Variants in CNTNAP2 observed in about 807,000 individuals in gnomAD.
CNTNAP2 encodes the protein contactin-associated protein-like 2.
Under a neutral mutation model 155.2 loss-of-function variants are expected in CNTNAP2, and 98 were observed. The observed-to-expected ratio is 0.63, with a 90% CI of 0.54 to 0.75. The LOEUF (loss-of-function observed/expected upper bound fraction) is 0.75, where lower values mean the gene tolerates loss of function less well. Ranked by LOEUF, CNTNAP2 falls within the 30% of genes least tolerant of loss-of-function variation. The pLI is 0.00. For missense variants in CNTNAP2, 1,727 were observed against 1,688.1 expected (o/e 1.02, Z -0.40); for synonymous variants, 651 against 631.2 (o/e 1.03, Z -0.47).
At chr7:147,090,494 C>G (rs1348595099) in intron 4 of CNTNAP2, among the ~76,000 whole-genome samples, 4 of 152,036 alleles carry the variant, frequency 2.6e-5, no homozygotes, top group Non-Finnish European at 5.9e-5. Flanking sequence ...TACATTTATT[C>G]TTACTGGTCC....
At chr7:147,865,154 C>T (rs1298171668) in intron 13 of CNTNAP2, among the ~76,000 whole-genome samples, 2 of 152,222 alleles carry the variant, frequency 1.3e-5, no homozygotes, top group South Asian at 4.1e-4. Context: ...TGAATTTTGT[C>T]AAAGGCCTTT....
At chr7:147,408,203 G>GA (rs570642845) in intron 10 of CNTNAP2, among the ~76,000 whole-genome samples, 15 of 152,100 alleles carry the variant, frequency 9.9e-5, no homozygotes, top group African/African-American at 2.7e-4. Flanking sequence ...GGAATTGTTG[G>GA]AAAAAAACAC....
chr7:148,029,456 T>G (rs916655084), intron 15 of CNTNAP2, among the ~76,000 whole-genome samples: 8 of 152,196 alleles, frequency 5.3e-5, no homozygotes, highest in African/African-American at 1.7e-4. Flanking sequence ...TCTGGGACAC[T>G]CTAGAGAAAT....
At chr7:147,014,617 C>T (rs902479349) in intron 3 of CNTNAP2, among the ~76,000 whole-genome samples, 2 of 152,152 alleles carry the variant, frequency 1.3e-5, no homozygotes, top group East Asian at 1.9e-4. Flanking sequence ...AATCCGAAAG[C>T]CTGCTTTGCT....
At chr7:148,375,670 A>G (rs765444027) in intron 21 of CNTNAP2, among the ~76,000 whole-genome samples, 3 of 151,662 alleles carry the variant, frequency 2.0e-5, no homozygotes, top group Non-Finnish European at 2.9e-5. Context: ...TTACAACTAT[A>G]TTCTAAGATT....
rs1795383050 is a variant in CNTNAP2 at position 148,202,420 on chromosome 7, TCATTTG to T, written c.3011-14867_3011-14862del. Among the ~76,000 whole-genome samples the T allele has an allele frequency of 3.3e-5, 5 of 152,250 alleles. 1 individual carries two copies. Among genetic ancestry groups the T allele is most frequent in the African/African-American group, 7.2e-5 (3 of 41,546 alleles). On this transcript the variant is annotated intron_variant, in intron 18 of 23. Coordinates refer to ENST00000361727, the MANE Select transcript of CNTNAP2 (RefSeq NM_014141.6). ...TCACACACACGCATTTTCCAGAAAC[TCATTTG>T]AGGTTGATTTTATGTGTACGGAGAC...
intron 1 of CNTNAP2, among the ~76,000 whole-genome samples, chr7:146,426,915 T>C (rs1724509): frequency 0.036 from 5,396 of 151,726 alleles, 339 homozygotes; most frequent in African/African-American, 0.12. Context: ...TGTTAAAAAG[T>C]TTGAGTTAGC....
At chr7:148,011,099 T>C (rs1802073436) in intron 15 of CNTNAP2, among the ~76,000 whole-genome samples, 1 of 152,144 alleles carries the variant, frequency 6.6e-6, no homozygotes, top group Non-Finnish European at 1.5e-5. Flanking sequence ...TACATATAAT[T>C]CATCCATTTA....
At position 147,202,797 on chromosome 7, in the gene CNTNAP2, G is replaced by C. The variant is rs541409710; in HGVS notation, c.1348+70288G>C. On this transcript the variant is annotated intron_variant, in intron 8 of 23. Transcript: ENST00000361727. The stretch of plus-strand genomic sequence containing the variant: ...GAACATAACACACCAGGGCCTGTAG[G>C]GGGGTAGGGGGCTGGGGTAGTGATA... Among the ~76,000 whole-genome samples, 5 of 151,966 alleles carry C rather than the reference G, an allele frequency of 3.3e-5. No homozygotes were observed. In the East Asian group the frequency reaches 7.8e-4, roughly 24 times the overall value.
At chr7:147,198,526 C>T (rs1802855049) in intron 8 of CNTNAP2, among the ~76,000 whole-genome samples, 1 of 152,204 alleles carries the variant, frequency 6.6e-6, no homozygotes, top group South Asian at 2.1e-4. Context: ...GCCACCGCGC[C>T]AGGCTGGTTT....
At chr7:146,927,565 A>T (rs1288639104) in intron 3 of CNTNAP2, among the ~76,000 whole-genome samples, 2 of 152,192 alleles carry the variant, frequency 1.3e-5, no homozygotes, top group African/African-American at 4.8e-5. Context: ...GATATACAAT[A>T]TACAATTTGT....
At chr7:147,200,608 T>C (rs535646856) in intron 8 of CNTNAP2, among the ~76,000 whole-genome samples, 2 of 152,152 alleles carry the variant, frequency 1.3e-5, no homozygotes, top group Non-Finnish European at 2.9e-5. Flanking sequence ...ACGCCACCAT[T>C]TCTACCTTCC....
intron 10 of CNTNAP2, among the ~76,000 whole-genome samples, chr7:147,485,044 G>A (rs1029217881): frequency 5.3e-4 from 81 of 152,280 alleles, no homozygotes; most frequent in African/African-American, 1.8e-3. Context: ...GGAACCAGGA[G>A]AAAGGGTTTG....
chr7:146,404,712 C>T (rs1795766412), intron 1 of CNTNAP2, among the ~76,000 whole-genome samples: 1 of 152,060 alleles, frequency 6.6e-6, no homozygotes, highest in Non-Finnish European at 1.5e-5. Flanking sequence ...TTCCTTGCCC[C>T]TCCCTTCTCC....
intron 13 of CNTNAP2, among the ~76,000 whole-genome samples, chr7:147,684,126 G>T (rs1356236872): frequency 6.6e-6 from 1 of 151,752 alleles, no homozygotes; most frequent in African/African-American, 2.4e-5. Context: ...TGACTTTAAA[G>T]AGAACATGAC....
At chr7:147,690,915 T>G (rs2116991557) in intron 13 of CNTNAP2, among the ~76,000 whole-genome samples, 1 of 152,230 alleles carries the variant, frequency 6.6e-6, no homozygotes, top group Non-Finnish European at 1.5e-5. Flanking sequence ...TGCCTCAAAA[T>G]TTTGGTTAGT....
At position 147,536,354 on chromosome 7, in the gene CNTNAP2, T is replaced by C. The variant is rs369094249; in HGVS notation, c.1778-25784T>C. 1.2e-4 allele frequency among the ~76,000 whole-genome samples: 18 copies of C among 152,296 alleles called. No individual in the cohort carries two copies. The East Asian group carries it at 2.7e-3, about 23-fold the overall frequency. On this transcript the variant is annotated intron_variant, in intron 11 of 23. Transcript: ENST00000361727. ...GATAAAGTCCCTGCCCTCTTGAAAC[T>C]TACTTTTTAGTTGGAGAGAAAAAGA...
chr7:147,898,943 C>G (rs1229349103), intron 13 of CNTNAP2, among the ~76,000 whole-genome samples: 4 of 148,132 alleles, frequency 2.7e-5, no homozygotes, highest in Non-Finnish European at 5.9e-5. Flanking sequence ...CAAGGTTCAT[C>G]CATGTTGTCA....
chr7:147,418,818 AG>A (rs528073029), intron 10 of CNTNAP2, among the ~76,000 whole-genome samples: 6 of 152,322 alleles, frequency 3.9e-5, no homozygotes, highest in Admixed American at 3.9e-4. Flanking sequence ...CTTTACTGCA[AG>A]TTAGGATAGA....
Sources: gnomAD v4.1 joint callset for allele counts (sites outside exome capture counted in the v4.1 genomes callset) on GRCh38, gnomAD v4.1.1 for gene constraint, MANE v1.5 for transcripts, NCBI Gene and HGNC (gene_info 2026-07-23, HGNC 2026-07-21) for gene names.